CRYBG1: variants seen among roughly 807,000 people sequenced by gnomAD.
CRYBG1 encodes the protein beta/gamma crystallin domain-containing protein 1.
In CRYBG1, 139 loss-of-function variants were observed where a neutral mutation model predicts 189.2. That is an observed-to-expected ratio of 0.73 (90% CI 0.64 to 0.85). The LOEUF (loss-of-function observed/expected upper bound fraction) is 0.85. CRYBG1 is among the 40% of genes least tolerant of loss of function. CRYBG1 has a pLI of 0.00. For synonymous variants in CRYBG1, 1,023 were observed against 1,017.1 expected (o/e 1.01, Z -0.11); for missense variants, 2,611 against 2,675.8 (o/e 0.98, Z 0.53).
At chr6:106,433,242 A>T (rs923728751) in intron 1 of CRYBG1, among the ~76,000 whole-genome samples, 8 of 152,226 alleles carry the variant, frequency 5.3e-5, no homozygotes, top group African/African-American at 1.9e-4. Context: ...GAGGATAAAG[A>T]GATAATATAC....
chr6:106,432,840 CT>C (rs5878888), intron 1 of CRYBG1, among the ~76,000 whole-genome samples: 89 of 128,840 alleles, frequency 6.9e-4, no homozygotes, highest in East Asian at 1.5e-3. Context: ...TCTTTTCTTT[CT>C]TTTTTTTTTT....
chr6:106,546,282 T>A (rs746425966), intron 13 of CRYBG1, among the ~76,000 whole-genome samples: 1 of 152,244 alleles, frequency 6.6e-6, no homozygotes, highest in Non-Finnish European at 1.5e-5. Flanking sequence ...ATTCTTGTAA[T>A]CCAGGCTAAT....
intron 1 of CRYBG1, among the ~76,000 whole-genome samples, chr6:106,450,939 A>G (rs192395829): frequency 6.6e-6 from 1 of 152,346 alleles, no homozygotes; most frequent in East Asian, 1.9e-4. Flanking sequence ...ACAGTTACAT[A>G]TGGGCATTTG....
intron 1 of CRYBG1, among the ~76,000 whole-genome samples, chr6:106,412,943 T>TA (rs565658964): frequency 0.033 from 3,901 of 118,812 alleles, 130 homozygotes; most frequent in African/African-American, 0.081. Context: ...ACAAATTCTT[T>TA]AAAAAAAAAA....
chr6:106,362,606 C>G (rs4946743), intron 1 of CRYBG1, among the ~76,000 whole-genome samples: 109,347 of 151,996 alleles, frequency 0.72, 39,505 homozygotes, highest in East Asian at 0.88. Context: ...CAAGTGGTTG[C>G]AGCGGGGAGG....
intron 1 of CRYBG1, among the ~76,000 whole-genome samples, chr6:106,411,759 A>G (rs1433456775): frequency 6.6e-6 from 1 of 152,180 alleles, no homozygotes; most frequent in Non-Finnish European, 1.5e-5. Flanking sequence ...CCAAGAGTGC[A>G]GCCTTCAGTC....
chr6:106,459,232 G>C (rs1161025802), intron 2 of CRYBG1, among the ~76,000 whole-genome samples: 2 of 152,126 alleles, frequency 1.3e-5, no homozygotes, highest in South Asian at 4.1e-4. Flanking sequence ...ACTGACTATG[G>C]GTGCTCTTTA....
At chr6:106,521,626 A>AC (rs1773614030) in intron 4 of CRYBG1, among the ~76,000 whole-genome samples, 173 bp downstream of exon 4, 1 of 139,446 alleles carries the variant, frequency 7.2e-6, no homozygotes, top group South Asian at 2.4e-4. Context: ...TTAGAGTGCA[A>AC]GAAAAAAATG....
At position 106,530,451 on chromosome 6, in the gene CRYBG1, A is replaced by G. The variant is rs1357192215; in HGVS notation, c.4718+136A>G. The G allele has an allele frequency of 8.9e-6, 7 of 789,938 alleles. No homozygotes were observed. The Admixed American group carries it at 2.2e-4, about 25-fold the overall frequency. The allele number at this position is 789,938 out of a possible 1,614,324, so 48.9% of individuals were successfully genotyped here. On this transcript the variant is annotated intron_variant, in intron 8 of 21. Coordinates refer to ENST00000633556, the MANE Select transcript of CRYBG1 (RefSeq NM_001371242.2). ...TATTAACTGTAAGGTATATTTTTAT[A>G]AGGCACGTAAAATTCTGATTCTTTT...
chr6:106,484,411 A>G (rs913321048), intron 2 of CRYBG1, among the ~76,000 whole-genome samples: 5 of 152,086 alleles, frequency 3.3e-5, no homozygotes. Flanking sequence ...CTCCAGCCTC[A>G]GCCTCAAGCA....
chr6:106,495,443 A>G (rs1329221182), intron 2 of CRYBG1, among the ~76,000 whole-genome samples: 2 of 152,150 alleles, frequency 1.3e-5, no homozygotes, highest in Non-Finnish European at 2.9e-5. Flanking sequence ...TTTCCTTTTC[A>G]TTGCCTAAGA....
intron 2 of CRYBG1, among the ~76,000 whole-genome samples, chr6:106,504,979 GTCTT>G (rs1260651988): frequency 6.6e-6 from 1 of 151,676 alleles, no homozygotes; most frequent in East Asian, 1.9e-4. Context: ...TCTCATAAAA[GTCTT>G]TCTTTAAGAT....
intron 2 of CRYBG1, among the ~76,000 whole-genome samples, chr6:106,459,550 T>TTG (rs1562313073): frequency 1.3e-5 from 2 of 151,442 alleles, no homozygotes; most frequent in East Asian, 1.9e-4. Context: ...TGTGGGTTTT[T>TTG]TTTTTTTTTT....
At chr6:106,557,735 C>T (rs1774588042) in intron 17 of CRYBG1, among the ~76,000 whole-genome samples, 1 of 152,168 alleles carries the variant, frequency 6.6e-6, no homozygotes, top group Non-Finnish European at 1.5e-5. Context: ...GCCCGGCCTC[C>T]CACATGCTTT....
At chr6:106,491,581 C>T (rs142720123) in intron 2 of CRYBG1, among the ~76,000 whole-genome samples, 5 of 152,244 alleles carry the variant, frequency 3.3e-5, no homozygotes, top group Admixed American at 6.5e-5. Flanking sequence ...CGAGACTCTG[C>T]GTCATGGAGT....
At chr6:106,410,029 TA>T in intron 1 of CRYBG1, among the ~76,000 whole-genome samples, 1 of 152,206 alleles carries the variant, frequency 6.6e-6, no homozygotes, top group Non-Finnish European at 1.5e-5. Context: ...AAATGGGTTC[TA>T]ATTAAACTGA....
At chr6:106,472,752 AAATT>A (rs2114469270) in intron 2 of CRYBG1, among the ~76,000 whole-genome samples, 1 of 151,778 alleles carries the variant, frequency 6.6e-6, no homozygotes, top group Non-Finnish European at 1.5e-5. Flanking sequence ...AAAAAAAAAA[AAATT>A]AGCCAGGTGT....
At chr6:106,411,581 C>T (rs1480008077) in intron 1 of CRYBG1, among the ~76,000 whole-genome samples, 3 of 152,062 alleles carry the variant, frequency 2.0e-5, no homozygotes, top group Admixed American at 2.0e-4. Flanking sequence ...TCAGGATTTT[C>T]CAGAGGGACA....
chr6:106,560,327 G>A (rs896324023), intron 18 of CRYBG1, among the ~76,000 whole-genome samples: 1 of 152,200 alleles, frequency 6.6e-6, no homozygotes, highest in African/African-American at 2.4e-5. Context: ...CAGGTGTGCA[G>A]CAGTAGCATC....
Sources: gnomAD v4.1 joint callset for allele counts (sites outside exome capture counted in the v4.1 genomes callset) on GRCh38, gnomAD v4.1.1 for gene constraint, MANE v1.5 for transcripts, NCBI Gene and HGNC (gene_info 2026-07-23, HGNC 2026-07-21) for gene names.